The following RORA variants were observed in gnomAD, a reference collection of about 807,000 sequenced individuals.
The protein encoded by RORA is nuclear receptor ROR-alpha.
A neutral mutation model predicts 69.5 loss-of-function variants in RORA; 7 were observed. The observed-to-expected ratio is 0.10, with a 90% CI of 0.06 to 0.19. The LOEUF (loss-of-function observed/expected upper bound fraction) is 0.19. RORA is among the 10% of genes least tolerant of loss of function. The pLI is 1.00. For synonymous variants in RORA, 261 were observed against 240.8 expected, an observed-to-expected ratio of 1.08 and a Z score of -0.78; for missense variants, 457 against 663.0, an observed-to-expected ratio of 0.69 and a Z score of 3.41.
chr15:60,809,905 A>G (rs1471941990), intron 1 of RORA, among the ~76,000 whole-genome samples: 1 of 152,112 alleles, frequency 6.6e-6, no homozygotes, highest in African/African-American at 2.4e-5. Flanking sequence ...CAGACAAATC[A>G]GGTGTTCTAT....
intron 2 of RORA, among the ~76,000 whole-genome samples, chr15:60,612,659 CTGTTTTTTTT>C (rs753114954): frequency 1.7e-5 from 2 of 117,328 alleles, no homozygotes; most frequent in Admixed American, 1.9e-4. Context: ...CTCTCTCTCT[CTGTTTTTTTT>C]TTTTTTTTTT....
At chr15:61,093,169 C>T (rs2078733891) in intron 1 of RORA, among the ~76,000 whole-genome samples, 1 of 152,124 alleles carries the variant, frequency 6.6e-6, no homozygotes, top group Non-Finnish European at 1.5e-5. Context: ...TCATTTATTC[C>T]ACAAAGAGAT....
intron 2 of RORA, among the ~76,000 whole-genome samples, chr15:60,665,545 C>T (rs911311783): frequency 1.3e-5 from 2 of 152,092 alleles, no homozygotes; most frequent in Admixed American, 6.6e-5. Flanking sequence ...AGCTATCAGC[C>T]CTAAAATTTA....
chr15:61,112,013 C>T (rs1046690820), intron 1 of RORA, among the ~76,000 whole-genome samples: 1 of 152,124 alleles, frequency 6.6e-6, no homozygotes, highest in Admixed American at 6.5e-5. Context: ...CTGAATTAGA[C>T]AGTACCTGAG....
At chr15:60,989,307 G>T (rs1409685967) in intron 1 of RORA, among the ~76,000 whole-genome samples, 3 of 152,142 alleles carry the variant, frequency 2.0e-5, no homozygotes, top group Non-Finnish European at 4.4e-5. Context: ...CCATATAAAA[G>T]AAATCATGTA....
chr15:60,998,424 G>A (rs1894634417), intron 1 of RORA, among the ~76,000 whole-genome samples: 1 of 148,706 alleles, frequency 6.7e-6, no homozygotes, highest in African/African-American at 2.5e-5. Flanking sequence ...TTGAGACAGA[G>A]TCTGGCTCCT....
chr15:61,132,192 G>T (rs1030811340), intron 1 of RORA, among the ~76,000 whole-genome samples: 7 of 152,102 alleles, frequency 4.6e-5, no homozygotes, highest in Non-Finnish European at 7.4e-5. Flanking sequence ...TATCATTCCA[G>T]AAAAATGAAT....
intron 1 of RORA, among the ~76,000 whole-genome samples, chr15:61,033,338 C>G (rs1442573634): frequency 6.6e-6 from 1 of 151,806 alleles, no homozygotes; most frequent in Admixed American, 6.6e-5. Context: ...TAATTCTCCC[C>G]AACAATGCTT....
chr15:60,601,776 T>C (rs541989194), intron 2 of RORA, among the ~76,000 whole-genome samples: 1 of 152,332 alleles, frequency 6.6e-6, no homozygotes, highest in East Asian at 1.9e-4. Context: ...ATTTTCAATG[T>C]ACTTTGAGTA....
chr15:60,748,004 A>G (rs547710861), intron 1 of RORA, among the ~76,000 whole-genome samples: 2 of 152,318 alleles, frequency 1.3e-5, no homozygotes, highest in Non-Finnish European at 2.9e-5. Context: ...AATGTTGCAA[A>G]TGGCCAAGAG....
chr15:60,659,752 A>G (rs1443046881), intron 2 of RORA, among the ~76,000 whole-genome samples: 1 of 152,218 alleles, frequency 6.6e-6, no homozygotes, highest in African/African-American at 2.4e-5. Flanking sequence ...AAAAGAACTC[A>G]GTCAAACATT....
chr15:60,688,251 T>C (rs2070775090), intron 1 of RORA, among the ~76,000 whole-genome samples: 1 of 151,446 alleles, frequency 6.6e-6, no homozygotes, highest in Non-Finnish European at 1.5e-5. Context: ...TATCATTTTG[T>C]CAAAAAAGGA....
intron 1 of RORA, among the ~76,000 whole-genome samples, chr15:61,065,080 A>C (rs934921725): frequency 2.0e-5 from 3 of 152,202 alleles, no homozygotes; most frequent in Admixed American, 6.5e-5. Flanking sequence ...TAGTGTTATC[A>C]CTGGAAACTC....
At position 61,001,854 on chromosome 15, in the gene RORA, A is replaced by T. The variant is rs72754730; in HGVS notation, c.166+227199T>A. On this transcript the variant is annotated intron_variant, in intron 1 of 10. Transcript: ENST00000335670. ...AAAAAGAACTCTCTGAGGAAGGGGC[A>T]TTTAAACCAAGAACAGAACGACAAG... Among the ~76,000 whole-genome samples the T allele has an allele frequency of 1.8e-3, 276 of 152,366 alleles. 2 individuals carry two copies. Among genetic ancestry groups the T allele is most frequent in the Non-Finnish European group, 3.0e-3 (207 of 68,038 alleles).
intron 1 of RORA, among the ~76,000 whole-genome samples, chr15:61,049,948 G>A (rs1031226121): frequency 6.6e-6 from 1 of 152,114 alleles, no homozygotes; most frequent in Non-Finnish European, 1.5e-5. Flanking sequence ...TGTGAGCCAC[G>A]GCACTCGGCC....
chr15:60,969,914 G>A (rs775524418), intron 1 of RORA, among the ~76,000 whole-genome samples: 7 of 152,216 alleles, frequency 4.6e-5, no homozygotes, highest in Admixed American at 1.3e-4. Flanking sequence ...AAGGTTAAAT[G>A]TGGTCCTGTG....
intron 1 of RORA, among the ~76,000 whole-genome samples, chr15:61,030,595 T>C (rs565214498): frequency 9.2e-5 from 14 of 152,298 alleles, no homozygotes; most frequent in African/African-American, 2.9e-4. Context: ...TTTAAAACAG[T>C]TGTCATGTTG....
intron 2 of RORA, among the ~76,000 whole-genome samples, chr15:60,597,595 C>CAT (rs1303389761): frequency 0.09 from 2,725 of 30,124 alleles, 340 homozygotes; most frequent in Non-Finnish European, 0.12. Context: ...TATATATATA[C>CAT]ACATATATAT....
chr15:60,502,476 G>C (rs1284065315), intron 8 of RORA, among the ~76,000 whole-genome samples: 1 of 152,004 alleles, frequency 6.6e-6, no homozygotes, highest in Non-Finnish European at 1.5e-5. Context: ...AGCAAATCTG[G>C]TTTCTTAAAA....
Sources: allele counts gnomAD v4.1 joint callset (sites outside exome capture counted in the v4.1 genomes callset), GRCh38; gene constraint gnomAD v4.1.1; transcripts MANE v1.5; gene names NCBI Gene and HGNC (gene_info 2026-07-23, HGNC 2026-07-21).